The following MAP3K15 variants were observed in gnomAD, a reference collection of about 807,000 sequenced individuals.
The protein encoded by MAP3K15 is mitogen-activated protein kinase kinase kinase 15.
Under a neutral mutation model 99.5 loss-of-function variants are expected in MAP3K15, and 124 were observed. The observed-to-expected ratio is 1.25, with a 90% CI of 1.08 to 1.45. The LOEUF (loss-of-function observed/expected upper bound fraction) is 1.45, where lower values mean the gene tolerates loss of function less well. MAP3K15 is among the 40% of genes most tolerant of loss of function. The pLI is 0.00. For synonymous variants in MAP3K15, 494 were observed against 439.6 expected (o/e 1.12, Z -1.55); for missense variants, 1,242 against 1,079.7 (o/e 1.15, Z -2.11).
chrX:19,510,359 G>A (rs981879368), intron 1 of MAP3K15, among the ~76,000 whole-genome samples: 22 of 111,776 alleles, frequency 2.0e-4, no homozygotes, highest in African/African-American at 5.5e-4. Flanking sequence ...TGATCAAGTC[G>A]GCTTCATCCC....
chrX:19,464,073 T>C, intron 4 of MAP3K15, 140 bp downstream of exon 4: 1 of 476,293 alleles, frequency 2.1e-6, no homozygotes, highest in Non-Finnish European at 3.4e-6. Flanking sequence ...TTCATTTCAG[T>C]GGCCCAGCTA....
At position 19,392,034 on chromosome X, in the gene MAP3K15, G is replaced by T. The variant is rs760272533; in HGVS notation, c.2399C>A (p.Ala800Glu). ...ISDFGTSKRLAGVNPCTETFT... is the reference protein window; with the variant it reads ...ISDFGTSKRLEGVNPCTETFT... ...AGTCTCTGTGCAGGGGTTCACACCC[G>T]CAAGACGTTTCGAGGTTCCAAAATC... Residue 800 changes from alanine (A) to glutamate (E), a missense_variant, in exon 18 of 29, where the codon GCG becomes GAG. By Grantham distance (107) the Ala-to-Glu change is moderately radical. Coordinates refer to ENST00000338883, the MANE Select transcript of MAP3K15 (RefSeq NM_001001671.4). 2.5e-6 allele frequency: 3 copies of T among 1,209,886 alleles called. No homozygotes were observed. Among genetic ancestry groups the T allele is most frequent in the East Asian group, 3.0e-5 (1 of 33,836 alleles).
intron 24 of MAP3K15, 127 bp downstream of exon 24, chrX:19,370,832 T>A: frequency 5.5e-6 from 3 of 541,522 alleles, no homozygotes; most frequent in Non-Finnish European, 9.4e-6. Flanking sequence ...TATGACAACA[T>A]GCATTTAATT....
At chrX:19,487,528 C>T (rs5955560) in intron 2 of MAP3K15, among the ~76,000 whole-genome samples, 20,620 of 111,346 alleles carry the variant, frequency 0.19, 3,846 homozygotes, top group African/African-American at 0.58. Flanking sequence ...TAATGTAATT[C>T]ACATTGGTTT....
intron 12 of MAP3K15, among the ~76,000 whole-genome samples, chrX:19,409,604 T>C (rs2063672199): frequency 8.9e-6 from 1 of 112,103 alleles, no homozygotes; most frequent in Non-Finnish European, 1.9e-5. Context: ...TCAGAGTCAC[T>C]GAGCACTTGA....
At chrX:19,376,052 C>T (rs989532381) in intron 19 of MAP3K15, among the ~76,000 whole-genome samples, 2 of 111,929 alleles carry the variant, frequency 1.8e-5, no homozygotes, top group South Asian at 7.4e-4. Flanking sequence ...TGGCCTCTGC[C>T]CGGCTCTCTG....
At chrX:19,403,484 G>T (rs1273591897) in intron 13 of MAP3K15, among the ~76,000 whole-genome samples, 1 of 97,650 alleles carries the variant, frequency 1.0e-5, no homozygotes, top group Non-Finnish European at 2.0e-5. Context: ...TTTTTGACAG[G>T]ATCTTGCTCT....
chrX:19,406,435 A>T (rs2063647852), intron 13 of MAP3K15, among the ~76,000 whole-genome samples: 1 of 112,412 alleles, frequency 8.9e-6, no homozygotes, highest in Admixed American at 9.4e-5. Flanking sequence ...GATAAACCTT[A>T]AAAAAATTAC....
At position 19,460,102 on chromosome X, in the gene MAP3K15, T is replaced by C; in HGVS notation, c.771A>G (p.Lys257=). ...CCTTCGCCAGTTCCTCACCTTGGTA[T>C]TTCTCTCTGGCTTTCCGGATGTCAT... is the stretch of plus-strand genomic sequence containing the variant. ...LLNDIRKARE[K]YQGEELAKEL... The change falls in exon 5 of 29, where the codon AAA becomes AAG. Residue 257 remains lysine (K), a synonymous_variant. Transcript: ENST00000338883. 17 of 1,197,049 alleles carry C rather than the reference T, an allele frequency of 1.4e-5. No individual in the cohort carries two copies. The highest frequency in any genetic ancestry group is 1.8e-5 in the Non-Finnish European group (16 of 893,620).
At chrX:19,440,642 G>A (rs1255126317) in intron 6 of MAP3K15, among the ~76,000 whole-genome samples, 2 of 112,376 alleles carry the variant, frequency 1.8e-5, no homozygotes, top group Middle Eastern at 4.6e-3. Context: ...GGGCTGATAG[G>A]CCCTCTGATG....
chrX:19,361,505 C>G lies in MAP3K15; in HGVS notation c.3768G>C (p.Lys1256Asn). The G allele has an allele frequency of 3.3e-6, 4 of 1,210,154 alleles. No individual in the cohort carries two copies. The highest frequency in any genetic ancestry group is 4.5e-6 in the Non-Finnish European group (4 of 893,953). Reference sequence around the variant, plus strand: ...GTTGTAAATTTACCTTTTCAATTGTCTTTGCATCAGCTCCTTGCAGCCGCA... The same window carrying G: ...GTTGTAAATTTACCTTTTCAATTGTGTTTGCATCAGCTCCTTGCAGCCGCA... ...DWLRLQGADA[K>N]TIEKIVEEGY... Residue 1256 changes from lysine (K) to asparagine (N), a missense_variant, in exon 27 of 29, where the codon AAG (lysine) becomes AAC (asparagine). Lys to Asn is a moderately conservative substitution (Grantham distance 94). Coordinates refer to ENST00000338883, the MANE Select transcript of MAP3K15 (RefSeq NM_001001671.4).
rs906531618 is a variant in MAP3K15, at chrX:19,515,446, G to C, written c.-185C>G. Reference sequence around the variant, plus strand: ...CGGGCCGAAGACGGCAGTACCCCTAGGCTGCAGCCTGACGCTCAGGCCCCA... The same window carrying C: ...CGGGCCGAAGACGGCAGTACCCCTACGCTGCAGCCTGACGCTCAGGCCCCA... On this transcript the variant is annotated 5_prime_UTR_variant, in exon 1 of 29. Transcript: ENST00000338883. Among the ~76,000 whole-genome samples the C allele has an allele frequency of 8.9e-6, 1 of 112,309 alleles. No individual in the cohort carries two copies. The highest frequency in any genetic ancestry group is 1.9e-5 in the Non-Finnish European group (1 of 52,976).
intron 9 of MAP3K15, among the ~76,000 whole-genome samples, chrX:19,421,161 T>C (rs2063780815): frequency 1.8e-5 from 2 of 110,542 alleles, no homozygotes; most frequent in Non-Finnish European, 3.8e-5. Context: ...CTATTCAACA[T>C]AGTGTTGGAA....
rs748945931 is a variant in MAP3K15 at position 19,374,582 on chromosome X, C to G, written c.2668G>C (p.Glu890Gln). 1.3e-5 allele frequency: 16 copies of G among 1,211,121 alleles called. No homozygotes were observed. The highest frequency in any genetic ancestry group is 3.0e-5 in the East Asian group (1 of 33,822). ...GTGGCACGTTTGTGGGGGTCAGGCT[C>G]GAAACAGGATAAAATGAAGGCTCGG... ...EARAFILSCF[E>Q]PDPHKRATTA... Residue 890 changes from glutamate to glutamine, a missense_variant, in exon 20 of 29, where the codon GAG (glutamate) becomes CAG (glutamine). Transcript: ENST00000338883.
intron 25 of MAP3K15, among the ~76,000 whole-genome samples, chrX:19,364,929 C>G (rs928940634): frequency 1.0e-5 from 1 of 97,083 alleles, no homozygotes; most frequent in East Asian, 3.1e-4. Flanking sequence ...TTGGGCTGGG[C>G]GCAGTGGCTC....
At chrX:19,445,949 A>AAAATAAATAAAT (rs771171380) in intron 6 of MAP3K15, among the ~76,000 whole-genome samples, 29,721 of 99,834 alleles carry the variant, frequency 0.3, 3,581 homozygotes, top group Admixed American at 0.36. Flanking sequence ...CTCCATCTCA[A>AAAATAAATAAAT]AAATCAATAA....
intron 9 of MAP3K15, among the ~76,000 whole-genome samples, chrX:19,416,450 G>A (rs932050704): frequency 4.5e-5 from 5 of 111,573 alleles, no homozygotes; most frequent in Admixed American, 9.5e-5. Flanking sequence ...CACGGTTCTC[G>A]TGCATTCTTC....
At chrX:19,398,667 C>T (rs992769064) in intron 14 of MAP3K15, among the ~76,000 whole-genome samples, 1 of 112,151 alleles carries the variant, frequency 8.9e-6, no homozygotes, top group African/African-American at 3.2e-5. Context: ...TTTAAAACTG[C>T]TTCTAAGCAT....
At position 19,431,515 on chromosome X, in the gene MAP3K15, C is replaced by T. The variant is rs2063882249; in HGVS notation, c.1089G>A (p.Leu363=). The change falls in exon 7 of 29, where the codon CTG becomes CTA. Residue 363 remains leucine (L), a synonymous_variant. Transcript: ENST00000338883. ...AGATGTCCTTGTAGATCCTCCCACACAGGCAGAACATGTCGGGGCCCGGGT... is the reference window on the plus strand; with the variant it reads ...AGATGTCCTTGTAGATCCTCCCACATAGGCAGAACATGTCGGGGCCCGGGT... ...CDHPGPDMFC[L]CGRIYKDIFL... 1.7e-6 allele frequency: 2 copies of T among 1,200,270 alleles called. No individual in the cohort carries two copies. Among genetic ancestry groups the T allele is most frequent in the Non-Finnish European group, 2.2e-6 (2 of 894,973 alleles).
Sources: gnomAD v4.1 joint callset for allele counts (sites outside exome capture counted in the v4.1 genomes callset) on GRCh38, gnomAD v4.1.1 for gene constraint, MANE v1.5 for transcripts, NCBI Gene and HGNC (gene_info 2026-07-23, HGNC 2026-07-21) for gene names.